Variants in RAB21 observed in about 807,000 individuals in gnomAD.
RAB21 encodes the protein ras-related protein Rab-21.
Under a neutral mutation model 33.1 loss-of-function variants are expected in RAB21, and 13 were observed. That is an observed-to-expected ratio of 0.39 (90% confidence interval 0.26 to 0.62). The LOEUF (loss-of-function observed/expected upper bound fraction) is 0.62. Ranked by LOEUF, RAB21 falls within the 20% of genes least tolerant of loss-of-function variation. RAB21 has a pLI of 0.48. For synonymous variants in RAB21, 91 were observed against 103.7 expected (o/e 0.88, Z 0.74); for missense variants, 234 against 279.1 (o/e 0.84, Z 1.15).
chr12:71,763,476 G>T (rs1882910478), intron 1 of RAB21, among the ~76,000 whole-genome samples: 1 of 151,106 alleles, frequency 6.6e-6, no homozygotes, highest in Admixed American at 6.6e-5. Context: ...CCTCCTCCCT[G>T]TGATTACCTG....
intron 1 of RAB21, among the ~76,000 whole-genome samples, chr12:71,763,782 G>T (rs951944709): frequency 6.6e-6 from 1 of 152,034 alleles, no homozygotes; most frequent in Non-Finnish European, 1.5e-5. Context: ...GGGAGGTTAG[G>T]GTCCAAGAAC....
chr12:71,755,116 C>G lies in RAB21; in HGVS notation c.-14C>G. 8.5e-7 allele frequency: 1 copy of G among 1,169,662 alleles called. No individual in the cohort carries two copies. The highest frequency in any genetic ancestry group is 1.1e-6 in the Non-Finnish European group (1 of 951,498). The allele number at this position is 1,169,662 out of a possible 1,614,324, so 72.5% of individuals were successfully genotyped here. On this transcript the variant is annotated 5_prime_UTR_variant, in exon 1 of 7. Transcript: ENST00000261263. ...GGCGCGACACTCGGGCTCGGGCGGC[C>G]GGGAAGCGACGGGATGGCTGCGGCC... is the stretch of plus-strand genomic sequence containing the variant.
chr12:71,764,038 A>G (rs906365559), intron 1 of RAB21, among the ~76,000 whole-genome samples: 7 of 152,206 alleles, frequency 4.6e-5, no homozygotes, highest in African/African-American at 1.7e-4. Flanking sequence ...AAGCCCAAGC[A>G]CAGTGCTTGG....
chr12:71,782,700 G>T (rs766768291), intron 6 of RAB21, 42 bp downstream of exon 6: 3 of 1,394,130 alleles, frequency 2.2e-6, no homozygotes, highest in South Asian at 1.3e-5. Flanking sequence ...ATGGTTTTTG[G>T]TTTTTATTTT....
At chr12:71,755,504 C>G (rs1592640541) in intron 1 of RAB21, among the ~76,000 whole-genome samples, 1 of 152,140 alleles carries the variant, frequency 6.6e-6, no homozygotes, top group Non-Finnish European at 1.5e-5. Flanking sequence ...AGTGGAAGGG[C>G]CCTGAAAAGT....
intron 1 of RAB21, among the ~76,000 whole-genome samples, chr12:71,766,876 G>A (rs1882969180): frequency 6.6e-6 from 1 of 152,112 alleles, no homozygotes; most frequent in South Asian, 2.1e-4. Context: ...ATTGGAAGCT[G>A]TCCTAAGAAG....
chr12:71,785,458 T>G, intron 6 of RAB21, 73 bp from the exon 7 acceptor site: 1 of 1,532,468 alleles, frequency 6.5e-7, no homozygotes, highest in Non-Finnish European at 8.9e-7. Context: ...TATCATAGTG[T>G]TATACTGAAA....
intron 6 of RAB21, among the ~76,000 whole-genome samples, chr12:71,784,473 C>T (rs1474359943): frequency 1.3e-5 from 2 of 149,774 alleles, no homozygotes; most frequent in African/African-American, 4.9e-5. Flanking sequence ...ATTCATTTTT[C>T]GTTGTTTTTT....
Position 71,783,667 on chromosome 12 carries a change from A to C in RAB21, c.535+1009A>C, listed in dbSNP as rs1592650638. Among the ~76,000 whole-genome samples the C allele has an allele frequency of 3.3e-5, 5 of 152,278 alleles. No individual in the cohort carries two copies. In the South Asian group the frequency reaches 1.0e-3, roughly 32 times the overall value. ...GGATGGTGCCCAGAATCTGTGTTTT[A>C]ACAAACGCTTCATATGATTCCAATG... is the stretch of plus-strand genomic sequence containing the variant. On this transcript the variant is annotated intron_variant, in intron 6 of 6. Transcript: ENST00000261263.
intron 6 of RAB21, among the ~76,000 whole-genome samples, chr12:71,784,982 A>C (rs767077300): frequency 6.6e-6 from 1 of 151,804 alleles, no homozygotes; most frequent in African/African-American, 2.4e-5. Context: ...AATTCCAGCT[A>C]CTCAGGGACT....
chr12:71,793,094 G>T lies in RAB21; in HGVS notation c.*7421G>T, dbSNP rs1043147009. Reference sequence around the variant, plus strand: ...CCCAAATTGCTTTTCCAAATTTTGTGGTAGCAGTGAATAAACTGATGCCTC... The same window carrying T: ...CCCAAATTGCTTTTCCAAATTTTGTTGTAGCAGTGAATAAACTGATGCCTC... On this transcript the variant is annotated 3_prime_UTR_variant, in exon 7 of 7. Coordinates refer to ENST00000261263, the MANE Select transcript of RAB21 (RefSeq NM_014999.4). The T allele has an allele frequency of 3.0e-4, 45 of 152,172 alleles. No individual in the cohort carries two copies. The highest frequency in any genetic ancestry group is 1.0e-3 in the African/African-American group (43 of 41,446). The allele number at this position is 152,172 out of a possible 1,614,324, so 9.4% of individuals were successfully genotyped here.
chr12:71,762,069 G>A (rs913112392), intron 1 of RAB21, among the ~76,000 whole-genome samples: 5 of 152,084 alleles, frequency 3.3e-5, no homozygotes, highest in Admixed American at 3.3e-4. Flanking sequence ...GTATTTTATA[G>A]AAGTTTGGGT....
intron 6 of RAB21, among the ~76,000 whole-genome samples, chr12:71,784,729 C>G (rs961994608): frequency 6.6e-6 from 1 of 152,082 alleles, no homozygotes; most frequent in African/African-American, 2.4e-5. Context: ...CTAGTTCTTG[C>G]AATCAGGTGG....
At chr12:71,778,744 G>T (rs1883155823) in intron 4 of RAB21, among the ~76,000 whole-genome samples, 1 of 152,166 alleles carries the variant, frequency 6.6e-6, no homozygotes, top group African/African-American at 2.4e-5. Context: ...GAGCACAAAA[G>T]CAAACAAACT....
chr12:71,766,900 C>T (rs948348986), intron 1 of RAB21, among the ~76,000 whole-genome samples: 2 of 152,048 alleles, frequency 1.3e-5, no homozygotes, highest in African/African-American at 4.8e-5. Flanking sequence ...GATGTGGACA[C>T]GTTGTGGAAG....
rs1259046087 is a variant in RAB21, at chr12:71,791,717, AAC to A, written c.*6046_*6047del. ...TCCCTTTTTAGAGGTAACCATTGTT[AAC>A]AGTTTGGTTTGTGTCTTTATTATGC... On this transcript the variant is annotated 3_prime_UTR_variant, in exon 7 of 7. Transcript: ENST00000261263. 2 of 152,134 alleles carry A rather than the reference AAC, an allele frequency of 1.3e-5. No homozygotes were observed. The highest frequency in any genetic ancestry group is 4.8e-5 in the African/African-American group (2 of 41,428). 9.4% of individuals were successfully genotyped at this position (152,134 alleles called of 1,614,324 possible).
chr12:71,783,588 T>C (rs1341428944), intron 6 of RAB21, among the ~76,000 whole-genome samples: 1 of 152,130 alleles, frequency 6.6e-6, no homozygotes, highest in East Asian at 1.9e-4. Flanking sequence ...CTTGAAAATA[T>C]GTCAGAAATG....
In RAB21 at chr12:71,788,734, G is replaced by C. The variant is rs1300948877; in HGVS notation, c.*3061G>C. On this transcript the variant is annotated 3_prime_UTR_variant, in exon 7 of 7. Coordinates refer to ENST00000261263, the MANE Select transcript of RAB21 (RefSeq NM_014999.4). ...TATAATTAAAAATTGGTTTAAGATA[G>C]TGATTAAAAATACCTGAATATTATG... 6.6e-6 allele frequency: 1 copy of C among 152,102 alleles called. No individual in the cohort carries two copies. The highest frequency in any genetic ancestry group is 1.5e-5 in the Non-Finnish European group (1 of 68,004). 9.4% of individuals were successfully genotyped at this position (152,102 alleles called of 1,614,324 possible). A position where few individuals can be genotyped will look rare whatever the true frequency, so the allele number is the denominator to read the frequency against.
chr12:71,785,606 G>T lies in RAB21; in HGVS notation c.611G>T (p.Gly204Val). 6.2e-7 allele frequency: 1 copy of T among 1,614,190 alleles called. No individual in the cohort carries two copies. Among genetic ancestry groups the T allele is most frequent in the Non-Finnish European group, 8.5e-7 (1 of 1,180,042 alleles). Reference sequence around the variant, plus strand: ...AGTCAGCCGGGAACTGCAAGGCGAGGTGTACAGATTATTGATGATGAACCT... The same window carrying T: ...AGTCAGCCGGGAACTGCAAGGCGAGTTGTACAGATTATTGATGATGAACCT... ...GSSQPGTARR[G>V]VQIIDDEPQA... The change falls in exon 7 of 7, where the codon GGT becomes GTT. Residue 204 changes from glycine (G) to valine (V), a missense_variant. Physicochemically the swap from Gly to Val is moderately radical, Grantham distance 109 (BLOSUM62 -3). Coordinates refer to ENST00000261263, the MANE Select transcript of RAB21 (RefSeq NM_014999.4).
Sources: gnomAD v4.1 joint callset for allele counts (sites outside exome capture counted in the v4.1 genomes callset) on GRCh38, gnomAD v4.1.1 for gene constraint, MANE v1.5 for transcripts, NCBI Gene and HGNC (gene_info 2026-07-23, HGNC 2026-07-21) for gene names.